Variants in TMEM116 observed in about 807,000 individuals in gnomAD.
TMEM116 encodes the protein transmembrane protein 116.
TMEM116 carries 38 observed loss-of-function variants against 44.3 expected under a neutral mutation model. The ratio of observed to expected loss-of-function variants is 0.86; its 90% confidence interval spans 0.66 to 1.12. The LOEUF is 1.12. TMEM116 is among the 50% of genes most tolerant of loss of function. The probability of loss-of-function intolerance (pLI) is 0.00; values close to 1 mark genes in which losing one functional copy is unlikely to be tolerated. For missense variants in TMEM116, 354 were observed against 401.7 expected (o/e 0.88, Z 1.01); for synonymous variants, 132 against 144.8 (o/e 0.91, Z 0.64).
At chr12:111,940,474 T>TAC (rs199977734) in intron 5 of TMEM116, among the ~76,000 whole-genome samples, 4 of 106,984 alleles carry the variant, frequency 3.7e-5, no homozygotes, top group Non-Finnish European at 7.0e-5. Flanking sequence ...CATATATATA[T>TAC]ATACATACAC....
intron 4 of TMEM116, among the ~76,000 whole-genome samples, chr12:111,979,866 A>G (rs962494626): frequency 2.6e-5 from 4 of 152,252 alleles, no homozygotes; most frequent in Non-Finnish European, 5.9e-5. Flanking sequence ...TAGAGAGCTG[A>G]AAATTACAAC....
chr12:111,992,261 ATCT>A (rs1333350659), intron 3 of TMEM116, among the ~76,000 whole-genome samples: 4 of 150,524 alleles, frequency 2.7e-5, no homozygotes, highest in Non-Finnish European at 5.9e-5. Flanking sequence ...CACAGGCAAC[ATCT>A]TCTACTTTTT....
chr12:111,971,498 T>TAA (rs79281964), intron 4 of TMEM116, among the ~76,000 whole-genome samples: 3 of 134,190 alleles, frequency 2.2e-5, no homozygotes, highest in Non-Finnish European at 4.9e-5. Context: ...ACCAGTAACT[T>TAA]AAAAAAAAAA....
chr12:111,945,073 TAAAA>T (rs1231486290), intron 4 of TMEM116, among the ~76,000 whole-genome samples: 2 of 56,620 alleles, frequency 3.5e-5, no homozygotes, highest in African/African-American at 6.8e-5. Flanking sequence ...AGACTCCATC[TAAAA>T]AAAAAAAAAA....
chr12:111,931,863 C>T (rs745863067), intron 10 of TMEM116, 36 bp from the exon 11 acceptor site: 1 of 1,394,420 alleles, frequency 7.2e-7, no homozygotes, highest in Non-Finnish European at 9.6e-7. Flanking sequence ...GCCCATGCTT[C>T]AGGTTTTCAG....
chr12:111,992,269 CTTTT>C (rs534630152), intron 3 of TMEM116, among the ~76,000 whole-genome samples: 1 of 139,284 alleles, frequency 7.2e-6, no homozygotes. Context: ...ACATCTTCTA[CTTTT>C]TTTTTTTTTT....
Position 111,994,105 on chromosome 12 carries a change from T to C in TMEM116, c.79-2216A>G, listed in dbSNP as rs1316988362. Among the ~76,000 whole-genome samples the C allele has an allele frequency of 5.3e-5, 8 of 152,202 alleles. No homozygotes were observed. In the East Asian group the frequency reaches 1.5e-3, roughly 29 times the overall value. On this transcript the variant is annotated intron_variant, in intron 3 of 10. Transcript: ENST00000552374. ...GACTGAAACTGCTTGTTGATCAGTGTTGAAGAACGTACAAAAGGAACTTTC... is the reference window on the plus strand; with the variant it reads ...GACTGAAACTGCTTGTTGATCAGTGCTGAAGAACGTACAAAAGGAACTTTC...
intron 5 of TMEM116, among the ~76,000 whole-genome samples, chr12:111,939,903 T>C: frequency 7.4e-6 from 1 of 135,536 alleles, no homozygotes; most frequent in African/African-American, 2.7e-5. Flanking sequence ...TGTGTGTGTG[T>C]GTGTGTGTGT....
Position 111,936,765 on chromosome 12 carries a change from A to T in TMEM116, c.515T>A (p.Val172Asp), listed in dbSNP as rs1220795620. 2.5e-6 allele frequency: 4 copies of T among 1,613,968 alleles called. No individual in the cohort carries two copies. The South Asian group carries it at 4.4e-5, about 18-fold the overall frequency. ...AELPPSANTS[V>D]CSTLYFYGIA... Reference sequence around the variant, plus strand: ...ACCATAAAAATAAAGTGTGCTACAGACAGATGTGTTGGCAGAAGGTGGAAG... The same window carrying T: ...ACCATAAAAATAAAGTGTGCTACAGTCAGATGTGTTGGCAGAAGGTGGAAG... Residue 172 changes from valine (V) to aspartate (D), a missense_variant, in exon 8 of 11, where the codon GTC (valine) becomes GAC (aspartate). Physicochemically the swap from Val to Asp is radical, Grantham distance 152 (BLOSUM62 -3). Transcript: ENST00000552374.
rs746510128 is a variant in TMEM116 at position 111,932,627 on chromosome 12, G to C, written c.766C>G (p.Pro256Ala). Reference protein sequence around the residue: ...VILMIIKLTKPQDTKLHMALY... With the variant: ...VILMIIKLTKAQDTKLHMALY... ...GCCATGTGAAGCTTGGTGTCCTGTG[G>C]CTTAGTCAGCTTTATGATCATTAGA... Residue 256 changes from proline (P) to alanine (A), a missense_variant, in exon 10 of 11, where the codon CCA becomes GCA. Physicochemically the swap from Pro to Ala is conservative, Grantham distance 27 (BLOSUM62 -1). Coordinates refer to ENST00000552374, the MANE Select transcript of TMEM116 (RefSeq NM_001193531.2). The C allele has an allele frequency of 6.2e-7, 1 of 1,614,130 alleles. No individual in the cohort carries two copies. Among genetic ancestry groups the C allele is most frequent in the South Asian group, 1.1e-5 (1 of 91,086 alleles).
chr12:111,989,235 A>G (rs1315515329), intron 4 of TMEM116, among the ~76,000 whole-genome samples: 1 of 152,200 alleles, frequency 6.6e-6, no homozygotes, highest in Non-Finnish European at 1.5e-5. Flanking sequence ...GTTTTGCTCA[A>G]GCATGTACCT....
At chr12:111,946,798 A>G (rs1482556361) in intron 4 of TMEM116, among the ~76,000 whole-genome samples, 2 of 152,206 alleles carry the variant, frequency 1.3e-5, no homozygotes, top group Non-Finnish European at 2.9e-5. Context: ...ATTAAAACCC[A>G]TTTATGCCTA....
chr12:112,002,853 A>G (rs1327049199), intron 3 of TMEM116, among the ~76,000 whole-genome samples: 1 of 152,186 alleles, frequency 6.6e-6, no homozygotes, highest in Non-Finnish European at 1.5e-5. Context: ...TCTCCCATAC[A>G]TGTCCTGACC....
intron 4 of TMEM116, among the ~76,000 whole-genome samples, chr12:111,968,160 G>A (rs886280452): frequency 2.0e-5 from 3 of 152,020 alleles, no homozygotes; most frequent in Admixed American, 6.6e-5. Flanking sequence ...CTAAATAAAC[G>A]TCTCAAAGCT....
At chr12:111,998,872 AGATGTTAAAACATAT>A (rs2077071423) in intron 3 of TMEM116, among the ~76,000 whole-genome samples, 1 of 152,172 alleles carries the variant, frequency 6.6e-6, no homozygotes, top group African/African-American at 2.4e-5. Context: ...ATGTATAGGG[AGATGTTAAAACATAT>A]CAGAAGTCTT....
chr12:111,938,119 TGA>T (rs753394289), intron 6 of TMEM116, 40 bp downstream of exon 6: 8 of 1,407,510 alleles, frequency 5.7e-6, no homozygotes, highest in South Asian at 3.9e-5. Context: ...ACCAGAATAA[TGA>T]GAGTCTACAC....
chr12:111,986,885 C>A (rs2076256713), intron 4 of TMEM116, among the ~76,000 whole-genome samples: 1 of 152,036 alleles, frequency 6.6e-6, no homozygotes. Flanking sequence ...TACTTTACAC[C>A]ACATATGAAA....
At chr12:111,938,466 A>G (rs1295175507) in intron 5 of TMEM116, among the ~76,000 whole-genome samples, 1 of 152,234 alleles carries the variant, frequency 6.6e-6, no homozygotes, top group Non-Finnish European at 1.5e-5. Context: ...GAAAGCCTGC[A>G]GGAAGTAGCC....
intron 3 of TMEM116, among the ~76,000 whole-genome samples, chr12:111,998,966 G>A (rs1273852575): frequency 6.6e-6 from 1 of 152,022 alleles, no homozygotes; most frequent in Non-Finnish European, 1.5e-5. Flanking sequence ...AGGAGATAAA[G>A]TTCAATCAAT....
Sources: allele counts gnomAD v4.1 joint callset (sites outside exome capture counted in the v4.1 genomes callset), GRCh38; gene constraint gnomAD v4.1.1; transcripts MANE v1.5; gene names NCBI Gene and HGNC (gene_info 2026-07-23, HGNC 2026-07-21).